Variants in CLIP2 observed in about 807,000 individuals in gnomAD.
CLIP2 encodes the protein CAP-Gly domain containing linker protein 2, also known as CAP-Gly domain-containing linker protein 2.
CLIP2 carries 41 observed loss-of-function variants against 111.7 expected under a neutral mutation model. That is an observed-to-expected ratio of 0.37 (90% CI 0.29 to 0.48). The LOEUF (loss-of-function observed/expected upper bound fraction) is 0.48. Among genes scored for constraint, CLIP2 ranks in the 20% least tolerant of loss-of-function variants. The probability of loss-of-function intolerance (pLI) is 0.99; values close to 1 mark genes in which losing one functional copy is unlikely to be tolerated. For missense variants in CLIP2, 1,160 were observed against 1,422.1 expected (o/e 0.82, Z 2.96); for synonymous variants, 660 against 644.2 (o/e 1.02, Z -0.37).
At chr7:74,360,429 G>A (rs1790296060) in intron 7 of CLIP2, 151 bp downstream of exon 7, 4 of 590,620 alleles carry the variant, frequency 6.8e-6, no homozygotes, top group Non-Finnish European at 1.2e-5. Flanking sequence ...TTAACTCTTG[G>A]GCCTCAGTCT....
intron 13 of CLIP2, 152 bp from the exon 14 acceptor site, chr7:74,396,922 G>T: frequency 5.3e-6 from 5 of 948,228 alleles, no homozygotes; most frequent in Non-Finnish European, 7.7e-6. Context: ...GTTGAATTGT[G>T]TCTACTGTGG....
intron 2 of CLIP2, among the ~76,000 whole-genome samples, chr7:74,329,140 A>G (rs1789205227): frequency 1.6e-5 from 2 of 124,842 alleles, no homozygotes. Flanking sequence ...GTTAGCCAGG[A>G]TTGTCTCGAT....
At chr7:74,349,510 A>ATATG (rs1182820844) in intron 3 of CLIP2, among the ~76,000 whole-genome samples, 1 of 133,672 alleles carries the variant, frequency 7.5e-6, no homozygotes, top group Non-Finnish European at 1.6e-5. Context: ...ATATATATAT[A>ATATG]TGTAAATAAA....
chr7:74,341,270 C>T (rs1208127909), intron 3 of CLIP2, among the ~76,000 whole-genome samples: 1 of 152,144 alleles, frequency 6.6e-6, no homozygotes, highest in Non-Finnish European at 1.5e-5. Flanking sequence ...TCACTGCAAC[C>T]TCCACCTCCC....
At chr7:74,355,377 A>G (rs1284075591) in intron 4 of CLIP2, among the ~76,000 whole-genome samples, 1 of 152,168 alleles carries the variant, frequency 6.6e-6, no homozygotes, top group Non-Finnish European at 1.5e-5. Context: ...TGGGAGGCTG[A>G]GGCTGGAGGA....
intron 4 of CLIP2, among the ~76,000 whole-genome samples, chr7:74,354,523 G>A (rs28380414): frequency 2.2e-3 from 336 of 152,236 alleles, no homozygotes; most frequent in African/African-American, 7.8e-3. Flanking sequence ...GCTGAGGCAC[G>A]AGAATCACTT....
At chr7:74,291,923 C>CTTTT (rs782577666) in intron 1 of CLIP2, among the ~76,000 whole-genome samples, 2 of 132,870 alleles carry the variant, frequency 1.5e-5, no homozygotes, top group Admixed American at 7.7e-5. Context: ...ATCCTGCCCT[C>CTTTT]TTTTTTTTTT....
chr7:74,297,176 A>G (rs781940676), intron 1 of CLIP2, among the ~76,000 whole-genome samples: 13 of 152,134 alleles, frequency 8.5e-5, no homozygotes, highest in Admixed American at 2.6e-4. Context: ...AGCTGTCCCA[A>G]CAAGAGCAGG....
At chr7:74,386,696 G>A (rs1174014084) in intron 12 of CLIP2, 92 bp downstream of exon 12, 8 of 993,332 alleles carry the variant, frequency 8.1e-6, no homozygotes, top group Non-Finnish European at 1.2e-5. Context: ...GTCAGGGCCT[G>A]GCTTAGGGTC....
chr7:74,364,430 G>T (rs567903299), intron 8 of CLIP2, 115 bp downstream of exon 8: 4 of 884,134 alleles, frequency 4.5e-6, no homozygotes, highest in African/African-American at 3.4e-5. Flanking sequence ...GAAGGGGCTG[G>T]GGGGGAAAAT....
intron 7 of CLIP2, among the ~76,000 whole-genome samples, chr7:74,363,153 C>A (rs1018191635): frequency 2.6e-5 from 4 of 152,106 alleles, no homozygotes; most frequent in Admixed American, 6.6e-5. Flanking sequence ...TACAGGGATG[C>A]GCCACCACGC....
chr7:74,395,321 A>G (rs1316205630), intron 13 of CLIP2, among the ~76,000 whole-genome samples: 3 of 152,100 alleles, frequency 2.0e-5, no homozygotes, highest in Middle Eastern at 6.8e-3. Flanking sequence ...TACCACGCCC[A>G]GCTAATTTTG....
intron 1 of CLIP2, among the ~76,000 whole-genome samples, chr7:74,296,025 T>G (rs1427377574): frequency 1.4e-5 from 2 of 144,560 alleles, no homozygotes; most frequent in Non-Finnish European, 3.0e-5. Flanking sequence ...TTTATAGAGA[T>G]AATCAAGTTC....
intron 14 of CLIP2, among the ~76,000 whole-genome samples, chr7:74,397,665 TG>T (rs68187497): frequency 0.55 from 60,014 of 109,976 alleles, 18,136 homozygotes; most frequent in African/African-American, 0.67. Flanking sequence ...GAGTTTTTTT[TG>T]TTTTTTTTTT....
At chr7:74,318,591 T>A (rs1437061543) in intron 2 of CLIP2, among the ~76,000 whole-genome samples, 2 of 152,028 alleles carry the variant, frequency 1.3e-5, no homozygotes, top group African/African-American at 2.4e-5. Context: ...CGGGCGCCTA[T>A]AGTCCCAGCT....
intron 8 of CLIP2, among the ~76,000 whole-genome samples, chr7:74,370,542 A>G (rs544304233): frequency 6.6e-6 from 1 of 151,754 alleles, no homozygotes; most frequent in African/African-American, 2.4e-5. Flanking sequence ...CTGAGACACT[A>G]GATATCATCT....
chr7:74,391,133 A>G (rs1791284479), intron 13 of CLIP2, among the ~76,000 whole-genome samples: 1 of 152,134 alleles, frequency 6.6e-6, no homozygotes, highest in African/African-American at 2.4e-5. Context: ...ATCCTTGAAT[A>G]TTGGGGCTTA....
chr7:74,297,524 C>T (rs112516589), intron 1 of CLIP2, among the ~76,000 whole-genome samples: 1 of 152,066 alleles, frequency 6.6e-6, no homozygotes, highest in South Asian at 2.1e-4. Flanking sequence ...CAGGGCCCCC[C>T]CTTTGAGAGG....
chr7:74,359,462 T>C (rs991934809), intron 6 of CLIP2, among the ~76,000 whole-genome samples: 32 of 151,294 alleles, frequency 2.1e-4, no homozygotes, highest in Admixed American at 1.5e-3. Context: ...CACGCCATTC[T>C]CCTGCCTCAG....
Sources: allele counts gnomAD v4.1 joint callset (sites outside exome capture counted in the v4.1 genomes callset), GRCh38; gene constraint gnomAD v4.1.1; transcripts MANE v1.5; gene names NCBI Gene and HGNC (gene_info 2026-07-23, HGNC 2026-07-21).